Variants in CDH12 observed in about 807,000 individuals in gnomAD.
The protein encoded by CDH12 is cadherin 12, also known as cadherin-12.
Under a neutral mutation model 74.1 loss-of-function variants are expected in CDH12, and 41 were observed. The ratio of observed to expected loss-of-function variants is 0.55; its 90% CI spans 0.43 to 0.72. The LOEUF is 0.72. CDH12 is among the 30% of genes least tolerant of loss of function. The probability of loss-of-function intolerance (pLI) is 0.00; values close to 1 mark genes in which losing one functional copy is unlikely to be tolerated. For missense variants in CDH12, 945 were observed against 977.2 expected (o/e 0.97, Z 0.44); for synonymous variants, 399 against 355.0 (o/e 1.12, Z -1.39).
intron 4 of CDH12, among the ~76,000 whole-genome samples, chr5:22,180,677 T>C (rs1006054191): frequency 1.3e-5 from 2 of 151,948 alleles, no homozygotes; most frequent in African/African-American, 4.8e-5. Context: ...AATGCCTGGC[T>C]AACTTTAGAG....
At chr5:22,603,745 G>A (rs1736961603) in intron 1 of CDH12, among the ~76,000 whole-genome samples, 1 of 152,166 alleles carries the variant, frequency 6.6e-6, no homozygotes, top group Non-Finnish European at 1.5e-5. Context: ...CAGATTGGGG[G>A]AGTTATAGGT....
At chr5:21,916,694 G>A (rs558156027) in intron 6 of CDH12, among the ~76,000 whole-genome samples, 25 of 152,042 alleles carry the variant, frequency 1.6e-4, no homozygotes, top group African/African-American at 5.8e-4. Context: ...CTGGTGGATT[G>A]AAGAAAAAAG....
chr5:22,422,750 C>A (rs1312010981), intron 2 of CDH12, among the ~76,000 whole-genome samples: 2 of 152,132 alleles, frequency 1.3e-5, no homozygotes, highest in Admixed American at 6.5e-5. Context: ...CTTGAAGTTA[C>A]AGATGGGCAT....
At chr5:22,313,796 G>A (rs1382050213) in intron 3 of CDH12, among the ~76,000 whole-genome samples, 1 of 152,124 alleles carries the variant, frequency 6.6e-6, no homozygotes, top group Non-Finnish European at 1.5e-5. Flanking sequence ...AAGGCATGCA[G>A]AGCGATATAA....
chr5:22,056,345 T>G (rs1388471881), intron 5 of CDH12, among the ~76,000 whole-genome samples: 1 of 152,180 alleles, frequency 6.6e-6, no homozygotes, highest in African/African-American at 2.4e-5. Context: ...TAGAAATCAT[T>G]GTAATCTATA....
intron 5 of CDH12, among the ~76,000 whole-genome samples, chr5:21,993,466 A>T (rs896418455): frequency 8.5e-5 from 13 of 152,324 alleles, no homozygotes; most frequent in Admixed American, 8.5e-4. Context: ...CAAGTGTAAG[A>T]AAAGGAAGTC....
chr5:21,928,550 G>A (rs369414723), intron 6 of CDH12, among the ~76,000 whole-genome samples: 1 of 152,170 alleles, frequency 6.6e-6, no homozygotes, highest in African/African-American at 2.4e-5. Flanking sequence ...AAGGATGAGC[G>A]ATGGAAACAG....
chr5:21,922,931 T>A (rs1218956076), intron 6 of CDH12, among the ~76,000 whole-genome samples: 3 of 145,670 alleles, frequency 2.1e-5, no homozygotes, highest in Middle Eastern at 3.2e-3. Context: ...GAAAGATGTG[T>A]GTATGTGTAT....
chr5:21,956,107 T>C (rs148583307), intron 6 of CDH12, among the ~76,000 whole-genome samples: 2,017 of 152,192 alleles, frequency 0.013, 14 homozygotes, highest in African/African-American at 0.024. Context: ...GTTAGTATTA[T>C]ATTGTAGATG....
rs530495630 is a variant in CDH12 at position 22,685,246 on chromosome 5, A to AT, written c.-523+167811dup. Among the ~76,000 whole-genome samples, 14 of 150,822 alleles carry AT rather than the reference A, an allele frequency of 9.3e-5. 1 individual carries two copies. The highest frequency in any genetic ancestry group is 2.1e-4 in the South Asian group (1 of 4,752). On this transcript the variant is annotated intron_variant, in intron 1 of 14. Coordinates refer to ENST00000382254, the MANE Select transcript of CDH12 (RefSeq NM_004061.5). ...TCACCTCAACCCATATTCATACTTT[A>AT]TTTTTTTTTGAGATGGAGTCTCGCC...
intron 6 of CDH12, among the ~76,000 whole-genome samples, chr5:21,867,080 C>T (rs1032889740): frequency 5.3e-5 from 8 of 152,096 alleles, no homozygotes; most frequent in Non-Finnish European, 7.3e-5. Context: ...CTTGGGCCAG[C>T]GCGGTGGCTC....
chr5:21,802,660 C>T lies in CDH12; in HGVS notation c.1003-240G>A, dbSNP rs183341195. 2.3e-3 allele frequency among the ~76,000 whole-genome samples: 300 copies of T among 132,822 alleles called. 1 individual carries two copies. Among genetic ancestry groups the T allele is most frequent in the Admixed American group, 5.3e-3 (62 of 11,650 alleles). 87.1% of individuals were successfully genotyped at this position (132,822 alleles called of 152,430 possible). On this transcript the variant is annotated intron_variant, in intron 9 of 14. Coordinates refer to ENST00000382254, the MANE Select transcript of CDH12 (RefSeq NM_004061.5). Reference sequence around the variant, plus strand: ...AGGCTGGAGCTCAGTGGTGTGATCTCGGCTCACTGCAACCTCCACCTCTGG... The same window carrying T: ...AGGCTGGAGCTCAGTGGTGTGATCTTGGCTCACTGCAACCTCCACCTCTGG...
At chr5:21,824,558 T>C (rs1748554697) in intron 8 of CDH12, among the ~76,000 whole-genome samples, 1 of 152,218 alleles carries the variant, frequency 6.6e-6, no homozygotes, top group Admixed American at 6.6e-5. Flanking sequence ...ATACAATTAG[T>C]TTCCCAAACA....
At chr5:22,031,490 G>A (rs771687475) in intron 5 of CDH12, among the ~76,000 whole-genome samples, 27 of 151,978 alleles carry the variant, frequency 1.8e-4, no homozygotes, top group Non-Finnish European at 2.2e-4. Flanking sequence ...TTTCCTTCAA[G>A]AACTTTTTCT....
intron 3 of CDH12, among the ~76,000 whole-genome samples, chr5:22,268,859 TTTACA>T (rs1011066139): frequency 3.3e-5 from 5 of 152,126 alleles, no homozygotes; most frequent in East Asian, 3.9e-4. Flanking sequence ...TGCATCATAC[TTTACA>T]TTAGGCTAGG....
At chr5:22,003,191 T>C (rs374717863) in intron 5 of CDH12, among the ~76,000 whole-genome samples, 5 of 152,126 alleles carry the variant, frequency 3.3e-5, no homozygotes, top group South Asian at 2.1e-4. Context: ...GTATGATGCA[T>C]GTATATTAAA....
chr5:22,356,471 G>T (rs894631374), intron 3 of CDH12, among the ~76,000 whole-genome samples: 5 of 152,070 alleles, frequency 3.3e-5, no homozygotes, highest in African/African-American at 1.2e-4. Context: ...AATACAATAT[G>T]CTTAATCCTC....
rs559769779 is a variant in CDH12, at chr5:22,367,128, T to A, written c.-333+38129A>T. ...GGTTACTTGTATTTTTGTGTTTTTT[T>A]TAATTCTCTTTTTAATCTTTAGACA... On this transcript the variant is annotated intron_variant, in intron 3 of 14. Coordinates refer to ENST00000382254, the MANE Select transcript of CDH12 (RefSeq NM_004061.5). Among the ~76,000 whole-genome samples the A allele has an allele frequency of 1.2e-4, 19 of 152,350 alleles. No individual in the cohort carries two copies. The South Asian group carries it at 3.9e-3, about 32-fold the overall frequency.
chr5:22,511,538 T>C (rs1736609125), intron 1 of CDH12, among the ~76,000 whole-genome samples: 1 of 152,174 alleles, frequency 6.6e-6, no homozygotes, highest in African/African-American at 2.4e-5. Flanking sequence ...AATTTCTCAT[T>C]GAATTAGTTG....
Sources: gnomAD v4.1 joint callset for allele counts (sites outside exome capture counted in the v4.1 genomes callset) on GRCh38, gnomAD v4.1.1 for gene constraint, MANE v1.5 for transcripts, NCBI Gene and HGNC (gene_info 2026-07-23, HGNC 2026-07-21) for gene names.